The following SERPINA1 variants were observed in gnomAD, a reference collection of about 807,000 sequenced individuals.
SERPINA1 encodes the protein alpha-1-antitrypsin.
SERPINA1 carries 21 observed loss-of-function variants against 25.4 expected under a neutral mutation model. That is an observed-to-expected ratio of 0.83 (90% confidence interval 0.59 to 1.19). The LOEUF (loss-of-function observed/expected upper bound fraction) is 1.19. Among genes scored for constraint, SERPINA1 ranks in the 50% most tolerant of loss-of-function variants. The probability of loss-of-function intolerance (pLI) is 0.00; values close to 1 mark genes in which losing one functional copy is unlikely to be tolerated. For missense variants in SERPINA1, 546 were observed against 509.0 expected, an observed-to-expected ratio of 1.07 and a Z score of -0.70; for synonymous variants, 218 against 211.1, an observed-to-expected ratio of 1.03 and a Z score of -0.29.
Position 94,380,972 on chromosome 14 carries a change from G to T in SERPINA1, c.816C>A (p.Ala272=). 1.9e-6 allele frequency: 3 copies of T among 1,614,140 alleles called. No homozygotes were observed. Among genetic ancestry groups the T allele is most frequent in the South Asian group, 1.1e-5 (1 of 91,076 alleles). ...CATCAGGCAGGAAGAAGATGGCGGT[G>T]GCATTGCCCAGGTATTTCATCAGCA... ...WVLLMKYLGN[A]TAIFFLPDEG... The change falls in exon 3 of 5, where the codon GCC becomes GCA. Residue 272 remains alanine, a synonymous_variant. Transcript: ENST00000393087.
Position 94,382,552 on chromosome 14 carries a change from G to A in SERPINA1, c.646+40C>T, listed in dbSNP as rs774487224. The A allele has an allele frequency of 6.8e-6, 11 of 1,613,742 alleles. No homozygotes were observed. In the South Asian group the frequency reaches 1.1e-4, roughly 16 times the overall value. On this transcript the variant is annotated intron_variant, in intron 2 of 4. Coordinates refer to ENST00000393087, the MANE Select transcript of SERPINA1 (RefSeq NM_000295.5). ...TGATGGTTTGAGAATATTTTTGCTT[G>A]TTTCTATGGGAACAGCTCAGGCTGG... is the stretch of plus-strand genomic sequence containing the variant.
In SERPINA1 at chr14:94,378,740, G is replaced by A. The variant is rs533194427; in HGVS notation, c.1066-100C>T. On this transcript the variant is annotated intron_variant, in intron 4 of 4. Transcript: ENST00000393087. The stretch of plus-strand genomic sequence containing the variant: ...CAGGAAGCGCTCACTCCCCCTGGAC[G>A]GCCCTGGCCCTGCACATCCTCTCCC... The A allele has an allele frequency of 1.9e-4, 247 of 1,280,468 alleles. 1 individual carries two copies. The African/African-American group carries it at 3.2e-3, about 16-fold the overall frequency. 79.3% of individuals were successfully genotyped at this position (1,280,468 alleles called of 1,614,324 possible).
chr14:94,381,938 C>T (rs949305653), intron 2 of SERPINA1, among the ~76,000 whole-genome samples: 2 of 152,192 alleles, frequency 1.3e-5, no homozygotes, highest in Non-Finnish European at 2.9e-5. Context: ...TGGGAGCTGG[C>T]TTAGAATGCC....
At chr14:94,384,233 C>G (rs944263699) in intron 1 of SERPINA1, 1 of 152,186 alleles carries the variant, frequency 6.6e-6, no homozygotes, top group African/African-American at 2.4e-5. Flanking sequence ...GTGTATGAGC[C>G]AGGACAAGTC....
intron 2 of SERPINA1, among the ~76,000 whole-genome samples, chr14:94,382,013 A>C (rs1411067904): frequency 1.3e-5 from 2 of 152,218 alleles, no homozygotes; most frequent in East Asian, 3.8e-4. Flanking sequence ...GAGATACAGA[A>C]GAGTCCATCA....
chr14:94,387,851 C>G (rs1897382278), intron 1 of SERPINA1, among the ~76,000 whole-genome samples: 1 of 152,150 alleles, frequency 6.6e-6, no homozygotes, highest in African/African-American at 2.4e-5. Flanking sequence ...TAATCACGCA[C>G]TGAGCTTAGC....
In SERPINA1 at chr14:94,383,101, G is replaced by T. The variant is rs1381869222; in HGVS notation, c.137C>A (p.Thr46Asn). ...DTSHHDQDHP[T>N]FNKITPNLAE... ...CAGGTTGGGGGTGATCTTGTTGAAGGTTGGGTGATCCTGATCATGGTGGGA... is the reference window on the plus strand; with the variant it reads ...CAGGTTGGGGGTGATCTTGTTGAAGTTTGGGTGATCCTGATCATGGTGGGA... The change falls in exon 2 of 5, where the codon ACC becomes AAC. Residue 46 changes from threonine to asparagine, a missense_variant. Physicochemically the swap from Thr to Asn is moderately conservative, Grantham distance 65. Coordinates refer to ENST00000393087, the MANE Select transcript of SERPINA1 (RefSeq NM_000295.5). 6.2e-7 allele frequency: 1 copy of T among 1,614,244 alleles called. No individual in the cohort carries two copies.
intron 2 of SERPINA1, 94 bp from the exon 3 acceptor site, chr14:94,381,235 G>GC: frequency 7.0e-6 from 9 of 1,287,562 alleles, no homozygotes; most frequent in Non-Finnish European, 9.8e-6. Flanking sequence ...TCCCTGAGAA[G>GC]CCCTGAGCCC....
At position 94,377,139 on chromosome 14, in the gene SERPINA1, C is replaced by A. The variant is rs1896419472; in HGVS notation, c.*1310G>T. ...CTATCGAAATCACTATTTGGTATGACTCAACCTCATCCTTTAAGTACACAT... is the reference window on the plus strand; with the variant it reads ...CTATCGAAATCACTATTTGGTATGAATCAACCTCATCCTTTAAGTACACAT... On this transcript the variant is annotated 3_prime_UTR_variant, in exon 5 of 5. Coordinates refer to ENST00000393087, the MANE Select transcript of SERPINA1 (RefSeq NM_000295.5). 1 of 152,252 alleles carries A rather than the reference C, an allele frequency of 6.6e-6. No homozygotes were observed. The highest frequency in any genetic ancestry group is 2.1e-4 in the South Asian group (1 of 4,830). The allele number at this position is 152,252 out of a possible 1,614,324, so 9.4% of individuals were successfully genotyped here.
intron 4 of SERPINA1, 84 bp from the exon 5 acceptor site, chr14:94,378,724 C>T (rs1896585870): frequency 2.0e-6 from 3 of 1,471,924 alleles, no homozygotes; most frequent in Non-Finnish European, 2.8e-6. Context: ...CCAGGAAGCG[C>T]TCACTCCCCC....
At chr14:94,379,648 C>A in intron 3 of SERPINA1, 37 bp from the exon 4 acceptor site, 1 of 1,613,912 alleles carries the variant, frequency 6.2e-7, no homozygotes, top group East Asian at 2.2e-5. Flanking sequence ...CATGGCACAG[C>A]ATTCCTCTTG....
rs141095970 is a variant in SERPINA1, at chr14:94,380,909, G to A, written c.879C>T (p.His293=). ...TTTCCAGGAACTTGGTGATGATATC[G>A]TGGGTGAGTTCATTTTCCAGGTGCT... ...KLQHLENELT[H]DIITKFLENE... The change falls in exon 3 of 5, where the codon CAC becomes CAT. Residue 293 remains histidine, a synonymous_variant. Transcript: ENST00000393087. 5.6e-6 allele frequency: 9 copies of A among 1,614,222 alleles called. No individual in the cohort carries two copies. The highest frequency in any genetic ancestry group is 4.4e-5 in the South Asian group (4 of 91,086).
Position 94,378,424 on chromosome 14 carries a change from G to A in SERPINA1, c.*25C>T. The A allele has an allele frequency of 6.2e-7, 1 of 1,607,872 alleles. No homozygotes were observed. The highest frequency in any genetic ancestry group is 8.5e-7 in the Non-Finnish European group (1 of 1,174,342). On this transcript the variant is annotated 3_prime_UTR_variant, in exon 5 of 5. Coordinates refer to ENST00000393087, the MANE Select transcript of SERPINA1 (RefSeq NM_000295.5). ...CCAGGGAGGGGGCCAGGGATGGAGG[G>A]GAGGGGTTGAGGAGCGAGAGGCAGT... is the stretch of plus-strand genomic sequence containing the variant.
rs111850950 is a variant in SERPINA1 at position 94,382,988 on chromosome 14, C to T, written c.250G>A (p.Ala84Thr). The T allele has an allele frequency of 3.7e-4, 598 of 1,608,960 alleles. No individual in the cohort carries two copies. Among genetic ancestry groups the T allele is most frequent in the Non-Finnish European group, 4.7e-4 (553 of 1,176,090 alleles). Residue 84 changes from alanine (A) to threonine (T), a missense_variant, in exon 2 of 5, where the codon GCC becomes ACC. Coordinates refer to ENST00000393087, the MANE Select transcript of SERPINA1 (RefSeq NM_000295.5). ...GTCCCCAGGGAGAGCATTGCAAAGGCTGTAGCGATGCTCACTGGGGAGAAG... is the reference window on the plus strand; with the variant it reads ...GTCCCCAGGGAGAGCATTGCAAAGGTTGTAGCGATGCTCACTGGGGAGAAG... The part of the protein sequence containing the change: ...IFFSPVSIAT[A>T]FAMLSLGTKA...
chr14:94,380,977 T>A lies in SERPINA1; in HGVS notation c.811A>T (p.Asn271Tyr). The A allele has an allele frequency of 6.2e-7, 1 of 1,614,176 alleles. No individual in the cohort carries two copies. Residue 271 changes from asparagine to tyrosine, a missense_variant, in exon 3 of 5, where the codon AAT becomes TAT. Physicochemically the swap from Asn to Tyr is moderately radical, Grantham distance 143. Coordinates refer to ENST00000393087, the MANE Select transcript of SERPINA1 (RefSeq NM_000295.5). ...GGCAGGAAGAAGATGGCGGTGGCATTGCCCAGGTATTTCATCAGCAGCACC... is the reference window on the plus strand; with the variant it reads ...GGCAGGAAGAAGATGGCGGTGGCATAGCCCAGGTATTTCATCAGCAGCACC... Reference protein sequence around the residue: ...SWVLLMKYLGNATAIFFLPDE... With the variant: ...SWVLLMKYLGYATAIFFLPDE...
rs917855405 is a variant in SERPINA1, at chr14:94,378,562, T to C, written c.1144A>G (p.Met382Val). ...AGAMFLEAIP[M>V]SIPPEVKFNK... ...AACTTGACCTCGGGGGGGATAGACA[T>C]GGGTATGGCCTCTAAAAACATGGCC... The change falls in exon 5 of 5, where the codon ATG (methionine) becomes GTG (valine). Residue 382 changes from methionine to valine, a missense_variant. Met to Val is a conservative substitution (Grantham distance 21, BLOSUM62 1). Transcript: ENST00000393087. 3.7e-6 allele frequency: 6 copies of C among 1,613,870 alleles called. No homozygotes were observed. Among genetic ancestry groups the C allele is most frequent in the Admixed American group, 1.7e-5 (1 of 59,978 alleles).
At chr14:94,384,274 T>A (rs765254713) in intron 1 of SERPINA1, 2 of 152,200 alleles carry the variant, frequency 1.3e-5, no homozygotes, top group East Asian at 3.9e-4. Flanking sequence ...TTTTGCCTCA[T>A]ACATAAAGTG....
In SERPINA1 at chr14:94,379,621, A is replaced by G; in HGVS notation, c.918-10T>C. The G allele has an allele frequency of 6.2e-7, 1 of 1,614,212 alleles. No homozygotes were observed. Among genetic ancestry groups the G allele is most frequent in the East Asian group, 2.2e-5 (1 of 44,886 alleles). ...ATGTAAGCTGGCAGACCTGTCGTGC[A>G]GAAAAGAAATTCAAGGCATGGCACA... On this transcript the variant is annotated splice_polypyrimidine_tract_variant and intron_variant, in intron 3 of 4. Transcript: ENST00000393087.
intron 1 of SERPINA1, among the ~76,000 whole-genome samples, chr14:94,386,598 G>C (rs774581628): frequency 2.6e-5 from 4 of 152,140 alleles, no homozygotes; most frequent in Non-Finnish European, 5.9e-5. Context: ...ATGCATGAGT[G>C]GGCACCAGGT....
Sources: allele counts gnomAD v4.1 joint callset (sites outside exome capture counted in the v4.1 genomes callset), GRCh38; gene constraint gnomAD v4.1.1; transcripts MANE v1.5; gene names NCBI Gene and HGNC (gene_info 2026-07-23, HGNC 2026-07-21).